The following NHSL1 variants were observed in gnomAD, a reference collection of about 807,000 sequenced individuals.
The protein encoded by NHSL1 is NHS like 1, also known as NHS-like protein 1.
A neutral mutation model predicts 95.0 loss-of-function variants in NHSL1; 48 were observed. The ratio of observed to expected loss-of-function variants is 0.51; its 90% CI spans 0.40 to 0.64. NHSL1 has a LOEUF of 0.64. Among genes scored for constraint, NHSL1 ranks in the 30% least tolerant of loss-of-function variants. The pLI is 0.00. For synonymous variants in NHSL1, 783 were observed against 833.9 expected (o/e 0.94, Z 1.05); for missense variants, 1,971 against 2,077.7 (o/e 0.95, Z 1.00).
chr6:138,599,565 C>T (rs980067973), intron 1 of NHSL1, among the ~76,000 whole-genome samples: 12 of 152,214 alleles, frequency 7.9e-5, no homozygotes, highest in African/African-American at 2.4e-4. Context: ...CCTTATATAA[C>T]ATATGCAGAA....
At chr6:138,564,091 G>C (rs1457963173) in intron 1 of NHSL1, among the ~76,000 whole-genome samples, 1 of 152,068 alleles carries the variant, frequency 6.6e-6, no homozygotes, top group Admixed American at 6.5e-5. Flanking sequence ...CAAAGAGCTT[G>C]ATACATGCAT....
intron 1 of NHSL1, among the ~76,000 whole-genome samples, chr6:138,684,631 T>A: frequency 6.7e-6 from 1 of 150,304 alleles, no homozygotes; most frequent in Non-Finnish European, 1.5e-5. Flanking sequence ...GGCAACAGAG[T>A]GAGACTCCGT....
chr6:138,573,617 C>G (rs564791088), upstream of NHSL1, among the ~76,000 whole-genome samples: 57 of 152,176 alleles, frequency 3.7e-4, no homozygotes, highest in Non-Finnish European at 6.3e-4. Context: ...ATAGGCAGTT[C>G]ATATTACACC....
chr6:138,507,392 C>CACT (rs1368732079), intron 1 of NHSL1, among the ~76,000 whole-genome samples: 1 of 152,156 alleles, frequency 6.6e-6, no homozygotes, highest in African/African-American at 2.4e-5. Flanking sequence ...AAATAATTAA[C>CACT]ACTACTACTA....
At chr6:138,560,473 T>C (rs1220835190) in intron 1 of NHSL1, among the ~76,000 whole-genome samples, 1 of 152,164 alleles carries the variant, frequency 6.6e-6, no homozygotes, top group Non-Finnish European at 1.5e-5. Flanking sequence ...CTTGGGAAGC[T>C]AGCAAGGAAA....
chr6:138,508,629 C>T (rs1323572399), intron 1 of NHSL1, among the ~76,000 whole-genome samples: 2 of 152,210 alleles, frequency 1.3e-5, no homozygotes, highest in African/African-American at 4.8e-5. Context: ...CCACTGTCCA[C>T]ACTCTTTCCA....
In NHSL1 at chr6:138,431,619, G is replaced by C; in HGVS notation, c.2726C>G (p.Thr909Ser). 6.4e-7 allele frequency: 1 copy of C among 1,551,410 alleles called. No homozygotes were observed. Among genetic ancestry groups the C allele is most frequent in the Non-Finnish European group, 8.7e-7 (1 of 1,146,712 alleles). The change falls in exon 6 of 8, where the codon ACT becomes AGT. Residue 909 changes from threonine to serine, a missense_variant. Coordinates refer to ENST00000343505, the MANE Select transcript of NHSL1 (RefSeq NM_001144060.2). The surrounding 1 kb of genome is among the most constrained non-coding windows in gnomAD (Gnocchi z 4.0). ...SSSSTSLSSS[T>S]STEGSGTMKK... ...CATAGTGCCACTTCCTTCAGTAGAA[G>C]TACTAGAAGAAAGAGAAGTGGACGA...
chr6:138,574,053 G>A (rs1030406179), upstream of NHSL1, among the ~76,000 whole-genome samples: 2 of 151,988 alleles, frequency 1.3e-5, no homozygotes, highest in Non-Finnish European at 2.9e-5. Context: ...TCAGCCTCCC[G>A]AGTAGCTGGG....
chr6:138,580,345 A>C (rs144053268), intron 1 of NHSL1, among the ~76,000 whole-genome samples: 21 of 152,326 alleles, frequency 1.4e-4, no homozygotes, highest in Middle Eastern at 3.4e-3. Flanking sequence ...ACATACTGCA[A>C]AAAAAGAAAT....
intron 5 of NHSL1, among the ~76,000 whole-genome samples, 165 bp downstream of exon 5, chr6:138,441,818 A>T (rs770162469): frequency 6.6e-6 from 1 of 152,104 alleles, no homozygotes; most frequent in Non-Finnish European, 1.5e-5. Flanking sequence ...TCTCCATGGG[A>T]TGTTAAGATT....
chr6:138,668,631 T>C (rs1359092629), intron 1 of NHSL1, among the ~76,000 whole-genome samples: 1 of 149,510 alleles, frequency 6.7e-6, no homozygotes, highest in Admixed American at 6.6e-5. Context: ...TTTTTCTTTT[T>C]TTTTTTTTTT....
At chr6:138,473,507 C>A (rs1778881782) in intron 2 of NHSL1, 74 bp from the exon 3 acceptor site, 1 of 1,303,006 alleles carries the variant, frequency 7.7e-7, no homozygotes, top group African/African-American at 1.5e-5. Context: ...TTTACGTTTA[C>A]TCCTCTTTTT....
chr6:138,666,716 T>C (rs897215183), intron 1 of NHSL1, among the ~76,000 whole-genome samples: 11 of 151,778 alleles, frequency 7.2e-5, no homozygotes, highest in African/African-American at 2.7e-4. Context: ...ATCCCAGTCA[T>C]TTTTTTTAAA....
At chr6:138,508,344 T>C (rs1467956765) in intron 1 of NHSL1, among the ~76,000 whole-genome samples, 1 of 152,138 alleles carries the variant, frequency 6.6e-6, no homozygotes, top group East Asian at 1.9e-4. Flanking sequence ...CGGGCTAACA[T>C]GGTAGAGCTT....
intron 1 of NHSL1, among the ~76,000 whole-genome samples, chr6:138,613,927 A>G (rs1784546762): frequency 6.6e-6 from 1 of 152,140 alleles, no homozygotes; most frequent in African/African-American, 2.4e-5. Context: ...TTCTTCCTGC[A>G]AGGTTCCTAT....
intron 3 of NHSL1, among the ~76,000 whole-genome samples, chr6:138,448,629 G>A (rs1777020348): frequency 6.6e-6 from 1 of 152,138 alleles, no homozygotes; most frequent in Non-Finnish European, 1.5e-5. Flanking sequence ...TCTCTTTTGT[G>A]ACCTATTTAT....
Position 138,423,954 on chromosome 6 carries a change from CG to C in NHSL1, c.*126del. ...ACTCACACTGCAGGGCTGGCAACCCCGGGGCCCACAGCACAGAAGCAGAGTG... is the reference window on the plus strand; with the variant it reads ...ACTCACACTGCAGGGCTGGCAACCCCGGGCCCACAGCACAGAAGCAGAGTG... On this transcript the variant is annotated 3_prime_UTR_variant, in exon 8 of 8. Transcript: ENST00000343505. 9.9e-7 allele frequency: 1 copy of C among 1,011,022 alleles called. No individual in the cohort carries two copies. The highest frequency in any genetic ancestry group is 1.3e-6 in the Non-Finnish European group (1 of 779,468). 62.6% of individuals were successfully genotyped at this position (1,011,022 alleles called of 1,614,324 possible).
At chr6:138,635,078 T>TAAA (rs1157212246) in intron 1 of NHSL1, among the ~76,000 whole-genome samples, 1 of 140,058 alleles carries the variant, frequency 7.1e-6, no homozygotes, top group Non-Finnish European at 1.6e-5. Context: ...GTACCTACAT[T>TAAA]AAAAAAAAAA....
Position 138,442,058 on chromosome 6 carries a change from G to C in NHSL1, c.589C>G (p.Leu197Val), listed in dbSNP as rs1339319883. 1 of 1,551,378 alleles carries C rather than the reference G, an allele frequency of 6.4e-7. No individual in the cohort carries two copies. Among genetic ancestry groups the C allele is most frequent in the Admixed American group, 2.0e-5 (1 of 50,982 alleles). ...TTGACTTTCTTCGGTCGTCTTACCAGAGTGTCTGTGTAAATTAGAGACCGC... is the reference window on the plus strand; with the variant it reads ...TTGACTTTCTTCGGTCGTCTTACCACAGTGTCTGTGTAAATTAGAGACCGC... ...LRRSLIYTDTLVRRPKKVKRR... is the reference protein window; with the variant it reads ...LRRSLIYTDTVVRRPKKVKRR... Residue 197 changes from leucine to valine, a missense_variant, in exon 5 of 8, where the codon CTG becomes GTG. Around this residue, in one of 3 missense-constraint regions of NHSL1, gnomAD observed 1,602 missense variants for 1,654.5 expected, o/e 0.97. Coordinates refer to ENST00000343505, the MANE Select transcript of NHSL1 (RefSeq NM_001144060.2).
Sources: allele counts gnomAD v4.1 joint callset (sites outside exome capture counted in the v4.1 genomes callset), GRCh38; gene constraint gnomAD v4.1.1; regional missense constraint gnomAD v4.1.1; non-coding constraint Gnocchi (gnomAD v3.1); transcripts MANE v1.5; gene names NCBI Gene and HGNC (gene_info 2026-07-23, HGNC 2026-07-21).